Variants in CCSER1 observed in about 807,000 individuals in gnomAD.
CCSER1 encodes coiled-coil serine rich protein 1, also known as serine-rich coiled-coil domain-containing protein 1.
CCSER1 carries 41 observed loss-of-function variants against 82.0 expected under a neutral mutation model. The ratio of observed to expected loss-of-function variants is 0.50; its 90% confidence interval spans 0.39 to 0.65. The LOEUF (loss-of-function observed/expected upper bound fraction) is 0.65. Ranked by LOEUF, CCSER1 falls within the 30% of genes least tolerant of loss-of-function variation. The pLI is 0.00. For missense variants in CCSER1, 1,119 were observed against 1,064.2 expected (o/e 1.05, Z -0.72); for synonymous variants, 414 against 383.9 (o/e 1.08, Z -0.92).
At position 90,351,830 on chromosome 4, in the gene CCSER1, C is replaced by A. The variant is rs149744654; in HGVS notation, c.1509+38783C>A. 5.8e-3 allele frequency among the ~76,000 whole-genome samples: 889 copies of A among 152,186 alleles called. 14 individuals are homozygous for A. The highest frequency in any genetic ancestry group is 0.025 in the Admixed American group (379 of 15,278). On this transcript the variant is annotated intron_variant, in intron 3 of 10. Transcript: ENST00000509176. The stretch of plus-strand genomic sequence containing the variant: ...TTTGCATAAGAAATTATGAATAAAA[C>A]TACTTAGTCATAATAAATAGAAATG...
At chr4:90,566,749 C>T (rs1223604036) in intron 5 of CCSER1, among the ~76,000 whole-genome samples, 1 of 151,868 alleles carries the variant, frequency 6.6e-6, no homozygotes, top group African/African-American at 2.4e-5. Context: ...ACTACAGACG[C>T]CCGCCACCAC....
intron 1 of CCSER1, among the ~76,000 whole-genome samples, chr4:90,296,651 T>C (rs1320878149): frequency 6.6e-6 from 1 of 152,140 alleles, no homozygotes; most frequent in East Asian, 1.9e-4. Context: ...CTTTAATCCA[T>C]CTTGGATTAA....
chr4:91,284,129 T>C (rs1391750506), intron 10 of CCSER1, among the ~76,000 whole-genome samples: 2 of 152,118 alleles, frequency 1.3e-5, no homozygotes, highest in African/African-American at 4.8e-5. Context: ...GACTCTTACT[T>C]AAGTTTATTT....
chr4:91,588,129 T>C (rs1764095309), intron 10 of CCSER1, among the ~76,000 whole-genome samples: 1 of 151,608 alleles, frequency 6.6e-6, no homozygotes, highest in Admixed American at 6.6e-5. Flanking sequence ...TTTTAGATCT[T>C]TTTAAGGATG....
At chr4:91,355,464 T>C (rs1392208180) in intron 10 of CCSER1, among the ~76,000 whole-genome samples, 1 of 152,088 alleles carries the variant, frequency 6.6e-6, no homozygotes, top group Non-Finnish European at 1.5e-5. Context: ...CTACATACCT[T>C]GGATAGAATA....
chr4:91,587,827 CTT>C (rs1468692555), intron 10 of CCSER1, among the ~76,000 whole-genome samples: 2 of 151,628 alleles, frequency 1.3e-5, no homozygotes, highest in Admixed American at 6.6e-5. Flanking sequence ...CATTAACAAT[CTT>C]TATAATCTAA....
intron 5 of CCSER1, among the ~76,000 whole-genome samples, chr4:90,558,379 A>G (rs1778369277): frequency 6.6e-6 from 1 of 152,168 alleles, no homozygotes; most frequent in African/African-American, 2.4e-5. Flanking sequence ...TCATTGTAAA[A>G]ATGTTTTCTC....
intron 9 of CCSER1, among the ~76,000 whole-genome samples, chr4:90,930,935 T>C (rs923374847): frequency 3.6e-5 from 5 of 137,350 alleles, no homozygotes; most frequent in African/African-American, 1.3e-4. Flanking sequence ...TATATATATA[T>C]ATATACACAT....
intron 5 of CCSER1, among the ~76,000 whole-genome samples, chr4:90,494,543 C>T (rs564545179): frequency 6.6e-6 from 1 of 152,178 alleles, no homozygotes; most frequent in East Asian, 1.9e-4. Context: ...CTTGTTCTAT[C>T]TCATGAGAGT....
chr4:90,845,168 G>A (rs184354055), intron 8 of CCSER1, among the ~76,000 whole-genome samples: 14 of 151,868 alleles, frequency 9.2e-5, no homozygotes, highest in African/African-American at 1.7e-4. Flanking sequence ...CGAGACCATC[G>A]TGGCCAACAA....
intron 10 of CCSER1, among the ~76,000 whole-genome samples, chr4:91,502,716 GTTTTA>G (rs1759276178): frequency 6.6e-6 from 1 of 152,074 alleles, no homozygotes; most frequent in African/African-American, 2.4e-5. Flanking sequence ...TAATTTCTCA[GTTTTA>G]TTTTTCTTTT....
At chr4:91,570,883 T>C (rs1289960535) in intron 10 of CCSER1, among the ~76,000 whole-genome samples, 2 of 152,198 alleles carry the variant, frequency 1.3e-5, no homozygotes, top group Non-Finnish European at 2.9e-5. Flanking sequence ...TCTTTTCTAT[T>C]GCATCATCAG....
intron 10 of CCSER1, among the ~76,000 whole-genome samples, chr4:91,124,998 TA>T (rs1727383708): frequency 6.6e-6 from 1 of 151,812 alleles, no homozygotes; most frequent in Non-Finnish European, 1.5e-5. Context: ...AAGATTAACA[TA>T]CCTTTTAACT....
intron 5 of CCSER1, among the ~76,000 whole-genome samples, chr4:90,556,005 C>T (rs1372984233): frequency 6.6e-6 from 1 of 152,068 alleles, no homozygotes; most frequent in African/African-American, 2.4e-5. Context: ...TAAATGCACA[C>T]ATGCAGTTAA....
At chr4:90,512,563 GATA>G (rs1771687067) in intron 5 of CCSER1, among the ~76,000 whole-genome samples, 2 of 152,014 alleles carry the variant, frequency 1.3e-5, no homozygotes, top group South Asian at 2.1e-4. Flanking sequence ...CTGTAAGATG[GATA>G]ATGAGGATAG....
intron 10 of CCSER1, among the ~76,000 whole-genome samples, chr4:91,409,352 A>T (rs1392827716): frequency 6.6e-6 from 1 of 152,074 alleles, no homozygotes; most frequent in South Asian, 2.1e-4. Context: ...TTGCTGTTCT[A>T]TTTATCACCA....
intron 8 of CCSER1, among the ~76,000 whole-genome samples, chr4:90,872,146 A>G (rs990414042): frequency 7.9e-5 from 12 of 151,320 alleles, no homozygotes; most frequent in African/African-American, 2.9e-4. Context: ...TTGATTGGAG[A>G]GTTTAGTCCA....
intron 9 of CCSER1, among the ~76,000 whole-genome samples, chr4:91,009,512 G>T (rs541765802): frequency 2.0e-5 from 3 of 152,308 alleles, no homozygotes; most frequent in Admixed American, 2.0e-4. Flanking sequence ...AAGAAATCCA[G>T]CTAGTCCTGT....
intron 7 of CCSER1, among the ~76,000 whole-genome samples, chr4:90,767,343 A>G (rs1751402326): frequency 6.6e-6 from 1 of 152,142 alleles, no homozygotes; most frequent in African/African-American, 2.4e-5. Flanking sequence ...ATGTGACTGC[A>G]CTTACACTTT....
Sources: gnomAD v4.1 joint callset for allele counts (sites outside exome capture counted in the v4.1 genomes callset) on GRCh38, gnomAD v4.1.1 for gene constraint, MANE v1.5 for transcripts, NCBI Gene and HGNC (gene_info 2026-07-23, HGNC 2026-07-21) for gene names.